FHIT: variants seen among roughly 807,000 people sequenced by gnomAD.
The protein encoded by FHIT is fragile histidine triad diadenosine triphosphatase.
A neutral mutation model predicts 17.9 loss-of-function variants in FHIT; 19 were observed. The observed-to-expected ratio is 1.06, with a 90% CI of 0.74 to 1.56. FHIT has a LOEUF of 1.56. Among genes scored for constraint, FHIT ranks in the 40% most tolerant of loss-of-function variants. The pLI is 0.00. For synonymous variants in FHIT, 81 were observed against 69.7 expected (o/e 1.16, Z -0.81); for missense variants, 248 against 189.2 (o/e 1.31, Z -1.82).
intron 5 of FHIT, among the ~76,000 whole-genome samples, chr3:60,136,662 T>C (rs1022423323): frequency 1.2e-4 from 19 of 152,102 alleles, no homozygotes; most frequent in Admixed American, 3.9e-4. Context: ...TTACCTTACA[T>C]AGGACCTTGA....
intron 2 of FHIT, among the ~76,000 whole-genome samples, chr3:61,150,751 T>C (rs1007599674): frequency 6.6e-6 from 1 of 152,246 alleles, no homozygotes; most frequent in African/African-American, 2.4e-5. Context: ...AGTTGTTCAC[T>C]ATTTCAGAAA....
At chr3:60,558,067 G>C (rs1340526785) in intron 4 of FHIT, among the ~76,000 whole-genome samples, 1 of 152,162 alleles carries the variant, frequency 6.6e-6, no homozygotes, top group African/African-American at 2.4e-5. Flanking sequence ...CCTACGCCAA[G>C]AGTCCTGCCG....
At chr3:60,612,908 C>T (rs79979139) in intron 4 of FHIT, among the ~76,000 whole-genome samples, 2 of 152,260 alleles carry the variant, frequency 1.3e-5, no homozygotes, top group South Asian at 2.1e-4. Flanking sequence ...CTGCCAGCAA[C>T]GAATCATATT....
chr3:59,924,481 A>C (rs970687306), intron 7 of FHIT, among the ~76,000 whole-genome samples: 1 of 152,154 alleles, frequency 6.6e-6, no homozygotes, highest in African/African-American at 2.4e-5. Context: ...TCTTATCTAT[A>C]TGGGGATTAT....
At chr3:59,774,396 C>T (rs1222336026) in intron 8 of FHIT, among the ~76,000 whole-genome samples, 2 of 152,210 alleles carry the variant, frequency 1.3e-5, no homozygotes, top group African/African-American at 4.8e-5. Flanking sequence ...GACCGATTGA[C>T]TTAAAATCAC....
At chr3:60,723,469 G>A (rs1482035909) in intron 4 of FHIT, among the ~76,000 whole-genome samples, 2 of 152,132 alleles carry the variant, frequency 1.3e-5, no homozygotes, top group African/African-American at 2.4e-5. Flanking sequence ...CTGGGAGTCT[G>A]GAATTTGGGT....
intron 8 of FHIT, among the ~76,000 whole-genome samples, chr3:59,891,526 C>A (rs1269578086): frequency 6.6e-6 from 1 of 152,136 alleles, no homozygotes; most frequent in African/African-American, 2.4e-5. Flanking sequence ...CACAGATGAA[C>A]CAACAGGACA....
At chr3:59,956,239 T>G (rs1465912426) in intron 7 of FHIT, among the ~76,000 whole-genome samples, 1 of 152,080 alleles carries the variant, frequency 6.6e-6, no homozygotes, top group Non-Finnish European at 1.5e-5. Context: ...AGGGGCTGGG[T>G]GACTAAAGAC....
At position 59,755,093 on chromosome 3, in the gene FHIT, CACAT is replaced by C. The variant is rs1701141207; in HGVS notation, c.349-2776_349-2773del. Among the ~76,000 whole-genome samples, 12 of 151,898 alleles carry C rather than the reference CACAT, an allele frequency of 7.9e-5. No homozygotes were observed. In the South Asian group the frequency reaches 2.3e-3, roughly 29 times the overall value. ...GAGAAGTGTGTAGATAGAGCCCACA[CACAT>C]ATAGAAAGAATCCGCTTGCCTTTAA... On this transcript the variant is annotated intron_variant, in intron 8 of 9. Transcript: ENST00000492590.
At chr3:60,536,295 T>G (rs1559521157) in intron 5 of FHIT, 1 of 152,210 alleles carries the variant, frequency 6.6e-6, no homozygotes, top group East Asian at 1.9e-4. Context: ...ATCTGCAAGC[T>G]GGTATTTTTC....
chr3:61,097,431 A>G (rs1290161924), intron 2 of FHIT, among the ~76,000 whole-genome samples: 4 of 152,214 alleles, frequency 2.6e-5, no homozygotes, highest in Non-Finnish European at 4.4e-5. Context: ...TCTTTATAAT[A>G]GAATGATTTA....
chr3:60,856,383 A>T (rs1337616931), intron 3 of FHIT: 2 of 152,240 alleles, frequency 1.3e-5, no homozygotes, highest in South Asian at 4.1e-4. Context: ...TTTTTTTAAA[A>T]TGAAGATCAC....
At chr3:60,131,054 CATACAT>C (rs1388919601) in intron 5 of FHIT, among the ~76,000 whole-genome samples, 5 of 74,222 alleles carry the variant, frequency 6.7e-5, no homozygotes, top group Admixed American at 6.4e-4. Flanking sequence ...CACATATATA[CATACAT>C]ACACATGTAT....
At chr3:60,849,075 T>C (rs1703039193) in intron 3 of FHIT, among the ~76,000 whole-genome samples, 4 of 152,286 alleles carry the variant, frequency 2.6e-5, no homozygotes, top group Middle Eastern at 3.4e-3. Context: ...TGAATATTTT[T>C]ATCAATAGTT....
At chr3:59,999,529 T>C (rs573297034) in intron 7 of FHIT, among the ~76,000 whole-genome samples, 4 of 152,204 alleles carry the variant, frequency 2.6e-5, no homozygotes, top group Admixed American at 2.6e-4. Context: ...GAAACAACAA[T>C]AACTGAATAT....
chr3:60,357,442 G>C (rs1225198181), intron 5 of FHIT, among the ~76,000 whole-genome samples: 1 of 151,902 alleles, frequency 6.6e-6, no homozygotes, highest in African/African-American at 2.4e-5. Context: ...ACAGGGTTTC[G>C]CTATGTTGGT....
At chr3:60,644,098 G>A (rs1251205896) in intron 4 of FHIT, among the ~76,000 whole-genome samples, 6 of 152,136 alleles carry the variant, frequency 3.9e-5, no homozygotes, top group Admixed American at 1.3e-4. Context: ...CTAGGAAACC[G>A]TCATTTCAAA....
At chr3:60,630,811 T>G (rs2039418455) in intron 4 of FHIT, among the ~76,000 whole-genome samples, 1 of 152,088 alleles carries the variant, frequency 6.6e-6, no homozygotes, top group Non-Finnish European at 1.5e-5. Flanking sequence ...ACAGAGTAAT[T>G]AAATCACTGG....
At chr3:60,256,051 T>C (rs1168854028) in intron 5 of FHIT, among the ~76,000 whole-genome samples, 2 of 152,140 alleles carry the variant, frequency 1.3e-5, no homozygotes, top group South Asian at 4.1e-4. Context: ...AATTCTAATG[T>C]GGCCCACCTT....
Sources: allele counts gnomAD v4.1 joint callset (sites outside exome capture counted in the v4.1 genomes callset), GRCh38; gene constraint gnomAD v4.1.1; transcripts MANE v1.5; gene names NCBI Gene and HGNC (gene_info 2026-07-23, HGNC 2026-07-21).